BRSK2: variants seen among roughly 807,000 people sequenced by gnomAD.
The protein encoded by BRSK2 is serine/threonine-protein kinase BRSK2.
BRSK2 carries 19 observed loss-of-function variants against 83.3 expected under a neutral mutation model. The ratio of observed to expected loss-of-function variants is 0.23; its 90% CI spans 0.16 to 0.33. The LOEUF (loss-of-function observed/expected upper bound fraction) is 0.33. BRSK2 is among the 10% of genes least tolerant of loss of function. The pLI is 1.00. For synonymous variants in BRSK2, 519 were observed against 435.4 expected, an observed-to-expected ratio of 1.19 and a Z score of -2.39; for missense variants, 798 against 1,042.3, an observed-to-expected ratio of 0.77 and a Z score of 3.23.
At chr11:1,439,475 T>A (rs1389574074) in intron 3 of BRSK2, among the ~76,000 whole-genome samples, 1 of 147,264 alleles carries the variant, frequency 6.8e-6, no homozygotes, top group Non-Finnish European at 1.5e-5. Context: ...GGGCATGGCT[T>A]CCTCATGGTG....
intron 1 of BRSK2, among the ~76,000 whole-genome samples, chr11:1,398,193 G>T (rs1846242451): frequency 6.6e-6 from 1 of 152,184 alleles, no homozygotes; most frequent in Non-Finnish European, 1.5e-5. Flanking sequence ...GATAGGGGCT[G>T]GGGGGCAGTG....
intron 1 of BRSK2, among the ~76,000 whole-genome samples, chr11:1,424,029 A>G (rs1394860145): frequency 6.6e-6 from 1 of 152,172 alleles, no homozygotes; most frequent in African/African-American, 2.4e-5. Flanking sequence ...ATTGAGATCC[A>G]TAACTTAGAA....
chr11:1,439,849 C>T (rs1385531292), intron 3 of BRSK2, among the ~76,000 whole-genome samples: 2 of 150,228 alleles, frequency 1.3e-5, no homozygotes, highest in African/African-American at 2.4e-5. Context: ...CACACCTTCC[C>T]CTGCCCTGGG....
intron 1 of BRSK2, among the ~76,000 whole-genome samples, chr11:1,391,202 AGGC>A (rs767660394): frequency 3.1e-4 from 47 of 152,336 alleles, no homozygotes; most frequent in Non-Finnish European, 3.4e-4. Flanking sequence ...TCATCTGGTC[AGGC>A]ACATTCACAG....
chr11:1,421,919 G>A (rs889137222), intron 1 of BRSK2, among the ~76,000 whole-genome samples: 2 of 151,838 alleles, frequency 1.3e-5, no homozygotes, highest in African/African-American at 2.4e-5. Flanking sequence ...TGCTGGAGAT[G>A]TGAGCACGGC....
chr11:1,460,289 G>A (rs550610666), intron 19 of BRSK2, among the ~76,000 whole-genome samples: 3 of 152,168 alleles, frequency 2.0e-5, no homozygotes, highest in Non-Finnish European at 2.9e-5. Flanking sequence ...GGCCCCTGCC[G>A]GCCGCCGCCT....
At chr11:1,415,210 T>G (rs767291483) in intron 1 of BRSK2, among the ~76,000 whole-genome samples, 4 of 150,034 alleles carry the variant, frequency 2.7e-5, no homozygotes, top group Non-Finnish European at 4.4e-5. Context: ...TTCTCTTGCC[T>G]CAGCCTCCTG....
rs1850563140 is a variant in BRSK2 at position 1,438,011 on chromosome 11, C to T, written c.187-295C>T. Among the ~76,000 whole-genome samples, 1 of 152,150 alleles carries T rather than the reference C, an allele frequency of 6.6e-6. No homozygotes were observed. The highest frequency in any genetic ancestry group is 1.5e-5 in the Non-Finnish European group (1 of 68,008). On this transcript the variant is annotated intron_variant, in intron 2 of 19. Transcript: ENST00000528841. This position sits in a 1 kb window ranked among gnomAD's most constrained non-coding sequence, Gnocchi z 6.4. Reference sequence around the variant, plus strand: ...TCCACCAGCCAGGGCCCCAGCTGAGCAGCCCACGTCCCTGCATCCCCCACA... The same window carrying T: ...TCCACCAGCCAGGGCCCCAGCTGAGTAGCCCACGTCCCTGCATCCCCCACA...
In BRSK2 at chr11:1,448,033, G is replaced by A. The variant is rs373989224; in HGVS notation, c.1227-1743G>A. On this transcript the variant is annotated intron_variant, in intron 12 of 19. Coordinates refer to ENST00000528841, the MANE Select transcript of BRSK2 (RefSeq NM_001256627.2). Reference sequence around the variant, plus strand: ...AGGGCCCGCGGGCCAGGCAGAGGCCGAGGAGGGGTGGGGCTGCTGAGGCGT... The same window carrying A: ...AGGGCCCGCGGGCCAGGCAGAGGCCAAGGAGGGGTGGGGCTGCTGAGGCGT... 6.2e-4 allele frequency among the ~76,000 whole-genome samples: 94 copies of A among 152,292 alleles called. 2 individuals carry two copies. The South Asian group carries it at 0.018, about 29-fold the overall frequency.
chr11:1,406,951 G>A (rs1386412004), intron 1 of BRSK2, among the ~76,000 whole-genome samples: 1 of 152,200 alleles, frequency 6.6e-6, no homozygotes, highest in African/African-American at 2.4e-5. Flanking sequence ...GTGTGCGTGC[G>A]TGCCTGCCTG....
chr11:1,411,000 G>A (rs924755047), intron 1 of BRSK2: 10 of 984,276 alleles, frequency 1.0e-5, no homozygotes, highest in Middle Eastern at 4.9e-4. Flanking sequence ...GAGCAGGGGC[G>A]GAGAGAACAG....
intron 14 of BRSK2, among the ~76,000 whole-genome samples, 175 bp downstream of exon 14, chr11:1,450,969 C>A (rs542567750): frequency 6.6e-6 from 1 of 152,228 alleles, no homozygotes; most frequent in Non-Finnish European, 1.5e-5. Flanking sequence ...TGTGTCCTAC[C>A]TGTCGCACAG....
Position 1,460,930 on chromosome 11 carries a change from C to T in BRSK2, c.*207C>T, listed in dbSNP as rs768719866. 1.2e-5 allele frequency: 19 copies of T among 1,612,018 alleles called. No individual in the cohort carries two copies. In the Admixed American group the frequency reaches 2.5e-4, roughly 21 times the overall value. On this transcript the variant is annotated 3_prime_UTR_variant, in exon 20 of 20. Coordinates refer to ENST00000528841, the MANE Select transcript of BRSK2 (RefSeq NM_001256627.2). ...CTTTTCTCTCTGTCTCTGCCTCTGCCTGTCTCTGACAGCATCGCTTGTTTC... is the reference window on the plus strand; with the variant it reads ...CTTTTCTCTCTGTCTCTGCCTCTGCTTGTCTCTGACAGCATCGCTTGTTTC...
At chr11:1,429,627 G>A (rs1265707160) in intron 1 of BRSK2, among the ~76,000 whole-genome samples, 7 of 57,748 alleles carry the variant, frequency 1.2e-4, no homozygotes, top group Non-Finnish European at 3.2e-5. Flanking sequence ...ACTGTGCTCA[G>A]CAGTGAGCGT....
At chr11:1,399,897 GT>G (rs1846360198) in intron 1 of BRSK2, among the ~76,000 whole-genome samples, 1 of 58,560 alleles carries the variant, frequency 1.7e-5, no homozygotes, top group Non-Finnish European at 3.2e-5. Context: ...CCGGGTCCTG[GT>G]GTTTTCACAT....
intron 12 of BRSK2, among the ~76,000 whole-genome samples, chr11:1,449,187 G>A (rs975041472): frequency 3.3e-5 from 5 of 152,244 alleles, no homozygotes; most frequent in Admixed American, 1.3e-4. Context: ...GCTGTGTGCA[G>A]GTCTCAGGCT....
rs1283774939 is a variant in BRSK2 at position 1,438,595 on chromosome 11, C to T, written c.272+204C>T. On this transcript the variant is annotated intron_variant, in intron 3 of 19. Coordinates refer to ENST00000528841, the MANE Select transcript of BRSK2 (RefSeq NM_001256627.2). The surrounding 1 kb of genome is among the most constrained non-coding windows in gnomAD (Gnocchi z 6.4). ...TGTGGTCTCTGCTTCTGGACCAAAC[C>T]GGAGACCTGGTCTGTGGAGGCTCGC... 5.9e-5 allele frequency among the ~76,000 whole-genome samples: 9 copies of T among 152,268 alleles called. No homozygotes were observed. Among genetic ancestry groups the T allele is most frequent in the East Asian group, 5.8e-4 (3 of 5,156 alleles).
chr11:1,456,302 T>A (rs1374708058), intron 16 of BRSK2, 46 bp from the exon 17 acceptor site: 1 of 1,502,292 alleles, frequency 6.7e-7, no homozygotes, highest in Non-Finnish European at 8.9e-7. Flanking sequence ...AGGGCCAGGG[T>A]GGGACCTGCC....
In BRSK2 at chr11:1,461,212, C is replaced by G; in HGVS notation, c.*489C>G. On this transcript the variant is annotated 3_prime_UTR_variant, in exon 20 of 20. Coordinates refer to ENST00000528841, the MANE Select transcript of BRSK2 (RefSeq NM_001256627.2). ...ACCCGGACTCCCGGTCACCTGACCCCTCAGCAAGAACAGCCTGCCTGGTGG... is the reference window on the plus strand; with the variant it reads ...ACCCGGACTCCCGGTCACCTGACCCGTCAGCAAGAACAGCCTGCCTGGTGG... The G allele has an allele frequency of 1.5e-6, 1 of 660,988 alleles. No individual in the cohort carries two copies. The highest frequency in any genetic ancestry group is 2.0e-5 in the South Asian group (1 of 48,900). 40.9% of individuals were successfully genotyped at this position (660,988 alleles called of 1,614,324 possible). A position where few individuals can be genotyped will look rare whatever the true frequency, so the allele number is the denominator to read the frequency against.
Sources: gnomAD v4.1 joint callset for allele counts (sites outside exome capture counted in the v4.1 genomes callset) on GRCh38, gnomAD v4.1.1 for gene constraint, Gnocchi (gnomAD v3.1) non-coding constraint, MANE v1.5 for transcripts, NCBI Gene and HGNC (gene_info 2026-07-23, HGNC 2026-07-21) for gene names.